TIAM2: variants seen among roughly 807,000 people sequenced by gnomAD.
The protein encoded by TIAM2 is rho guanine nucleotide exchange factor TIAM2.
In TIAM2, 80 loss-of-function variants were observed where a neutral mutation model predicts 152.9. That is an observed-to-expected ratio of 0.52 (90% CI 0.44 to 0.63). TIAM2 has a LOEUF of 0.63. Ranked by LOEUF, TIAM2 falls within the 30% of genes least tolerant of loss-of-function variation. The pLI is 0.00. For missense variants in TIAM2, 1,965 were observed against 2,120.1 expected (o/e 0.93, Z 1.44); for synonymous variants, 804 against 838.0 (o/e 0.96, Z 0.70).
intron 1 of TIAM2, among the ~76,000 whole-genome samples, chr6:155,047,666 AG>A (rs1252087655): frequency 1.4e-3 from 80 of 55,338 alleles, no homozygotes; most frequent in African/African-American, 3.2e-3. Context: ...AGAGAGAGAG[AG>A]GAGAGAGAGA....
Position 155,129,675 on chromosome 6 carries a change from C to G in TIAM2, c.452C>G (p.Pro151Arg), listed in dbSNP as rs747581866. ...YGRNESIAST[P>R]PGEDRKSPRV... Reference sequence around the variant, plus strand: ...AGGAATGAGAGCATTGCCTCCACCCCACCGGGCGAAGACCGCAAGAGCCCC... The same window carrying G: ...AGGAATGAGAGCATTGCCTCCACCCGACCGGGCGAAGACCGCAAGAGCCCC... The change falls in exon 4 of 27, where the codon CCA (proline) becomes CGA (arginine). Residue 151 changes from proline (P) to arginine (R), a missense_variant. Coordinates refer to ENST00000682666, the MANE Select transcript of TIAM2 (RefSeq NM_012454.4). This position sits in a 1 kb window ranked among gnomAD's most constrained non-coding sequence, Gnocchi z 4.8. The G allele has an allele frequency of 1.2e-6, 2 of 1,614,032 alleles. No individual in the cohort carries two copies. Among genetic ancestry groups the G allele is most frequent in the African/African-American group, 1.3e-5 (1 of 74,938 alleles).
intron 2 of TIAM2, among the ~76,000 whole-genome samples, chr6:155,094,009 C>A (rs1270112186): frequency 6.6e-6 from 1 of 152,162 alleles, no homozygotes; most frequent in Non-Finnish European, 1.5e-5. Context: ...TGGTTCTGGG[C>A]TGTGGATAAC....
At chr6:155,119,605 T>A (rs1358503337) in intron 2 of TIAM2, among the ~76,000 whole-genome samples, 1 of 151,516 alleles carries the variant, frequency 6.6e-6, no homozygotes, top group African/African-American at 2.4e-5. Context: ...TTCCAAAATG[T>A]TGGGATTACA....
rs186253756 is a variant in TIAM2, at chr6:155,129,786, C to G, written c.563C>G (p.Ala188Gly). Reference sequence around the variant, plus strand: ...GGTGGCAACCCCAGCAAAGTGCCTGCAGAGGACTGCAGTGAGCCGGTGCAG... The same window carrying G: ...GGTGGCAACCCCAGCAAAGTGCCTGGAGAGGACTGCAGTGAGCCGGTGCAG... ...HNGGNPSKVP[A>G]EDCSEPVQLL... is the part of the protein sequence containing the mutation. Residue 188 changes from alanine (A) to glycine (G), a missense_variant, in exon 4 of 27, where the codon GCA becomes GGA. By Grantham distance (60) the Ala-to-Gly change is moderately conservative. Around this residue, in one of 3 missense-constraint regions of TIAM2, gnomAD observed 1,025 missense variants for 1,119.4 expected, o/e 0.92. Coordinates refer to ENST00000682666, the MANE Select transcript of TIAM2 (RefSeq NM_012454.4). The surrounding 1 kb of genome is among the most constrained non-coding windows in gnomAD (Gnocchi z 4.8). The G allele has an allele frequency of 6.2e-7, 1 of 1,613,814 alleles. No homozygotes were observed. The highest frequency in any genetic ancestry group is 1.3e-5 in the African/African-American group (1 of 75,054).
chr6:155,015,395 A>G (rs1298318202), intron 1 of TIAM2, among the ~76,000 whole-genome samples: 1 of 152,050 alleles, frequency 6.6e-6, no homozygotes, highest in Non-Finnish European at 1.5e-5. Flanking sequence ...CTCAAGAGAG[A>G]CAGGTCTGGG....
intron 9 of TIAM2, chr6:155,168,961 A>G: frequency 7.0e-7 from 1 of 1,425,066 alleles, no homozygotes; most frequent in Non-Finnish European, 9.4e-7. Context: ...TACATGAATG[A>G]CACAAATGCT....
intron 2 of TIAM2, among the ~76,000 whole-genome samples, chr6:155,126,301 G>T (rs758536664): frequency 3.3e-5 from 5 of 152,226 alleles, no homozygotes; most frequent in Non-Finnish European, 5.9e-5. Flanking sequence ...AATGACAGTT[G>T]CCAGGGGCTG....
At chr6:155,089,209 G>GT (rs949127713) in intron 1 of TIAM2, among the ~76,000 whole-genome samples, 7 of 143,024 alleles carry the variant, frequency 4.9e-5, no homozygotes, top group Non-Finnish European at 1.1e-4. Flanking sequence ...GAAACCACCT[G>GT]TTTTTTTTCG....
chr6:155,217,459 G>A (rs1458046000), intron 15 of TIAM2, among the ~76,000 whole-genome samples: 1 of 152,148 alleles, frequency 6.6e-6, no homozygotes, highest in Non-Finnish European at 1.5e-5. Flanking sequence ...AGACAGGGAG[G>A]AATAATTTGA....
intron 1 of TIAM2, among the ~76,000 whole-genome samples, chr6:155,038,588 C>T (rs1776963772): frequency 6.6e-6 from 1 of 152,172 alleles, no homozygotes; most frequent in African/African-American, 2.4e-5. Context: ...TACGAAAAAG[C>T]ACTGTGTTTT....
chr6:155,001,635 T>C (rs1281086620), intron 1 of TIAM2, among the ~76,000 whole-genome samples: 1 of 152,242 alleles, frequency 6.6e-6, no homozygotes, highest in African/African-American at 2.4e-5. Flanking sequence ...AGCTGGAAAT[T>C]GGTCTGCTTT....
chr6:155,067,305 T>C (rs1263209409), intron 1 of TIAM2, among the ~76,000 whole-genome samples: 2 of 152,116 alleles, frequency 1.3e-5, no homozygotes, highest in African/African-American at 4.8e-5. Flanking sequence ...CCAAGCGTCC[T>C]CTCTCTCCAC....
chr6:155,233,794 T>C (rs1483267300), intron 15 of TIAM2, among the ~76,000 whole-genome samples: 1 of 151,990 alleles, frequency 6.6e-6, no homozygotes, highest in Non-Finnish European at 1.5e-5. Context: ...CCCTCCCTTC[T>C]CTACTAAAAA....
At chr6:155,135,036 TA>T (rs891438431) in intron 4 of TIAM2, among the ~76,000 whole-genome samples, 9 of 148,648 alleles carry the variant, frequency 6.1e-5, no homozygotes, top group African/African-American at 2.0e-4. Context: ...AATTGACAAT[TA>T]AAAAAAAAAC....
chr6:155,135,947 C>T (rs752956886), intron 4 of TIAM2, among the ~76,000 whole-genome samples: 6 of 151,718 alleles, frequency 4.0e-5, no homozygotes, highest in South Asian at 4.2e-4. Context: ...GTAATCCCAG[C>T]GCTTTGGGAG....
intron 15 of TIAM2, among the ~76,000 whole-genome samples, chr6:155,233,082 AC>A (rs2115277912): frequency 6.6e-6 from 1 of 152,354 alleles, no homozygotes; most frequent in African/African-American, 2.4e-5. Context: ...AAAGGCGGGC[AC>A]GTAGCTCAGC....
At chr6:155,183,535 G>C in intron 14 of TIAM2, 35 bp downstream of exon 14, 5 of 1,557,668 alleles carry the variant, frequency 3.2e-6, no homozygotes, top group Non-Finnish European at 4.3e-6. Flanking sequence ...CTTAACTGCT[G>C]GTATCAACAG....
intron 1 of TIAM2, among the ~76,000 whole-genome samples, chr6:155,054,879 G>A (rs1562302418): frequency 6.6e-6 from 1 of 152,184 alleles, no homozygotes; most frequent in Non-Finnish European, 1.5e-5. Context: ...GAAAGAGAAG[G>A]CAGGGATGCA....
intron 7 of TIAM2, among the ~76,000 whole-genome samples, chr6:155,149,749 C>G (rs564224548): frequency 4.3e-4 from 66 of 151,784 alleles, no homozygotes; most frequent in Non-Finnish European, 8.5e-4. Flanking sequence ...GTGGTGAAAC[C>G]CCATCTCTAC....
Sources: allele counts gnomAD v4.1 joint callset (sites outside exome capture counted in the v4.1 genomes callset), GRCh38; gene constraint gnomAD v4.1.1; regional missense constraint gnomAD v4.1.1; non-coding constraint Gnocchi (gnomAD v3.1); transcripts MANE v1.5; gene names NCBI Gene and HGNC (gene_info 2026-07-23, HGNC 2026-07-21).